Variants in FIRRM observed in about 807,000 individuals in gnomAD.
FIRRM encodes FIGNL1 interacting regulator of recombination and mitosis.
chr1:169,792,710 C>T, the FIRRM span: 1 of 1,613,940 alleles, frequency 6.2e-7, no homozygotes, highest in Non-Finnish European at 8.5e-7. Context: ...TCCACCTACA[C>T]CAAAATAATG....
chr1:169,817,973 T>C, the FIRRM span, among the ~76,000 whole-genome samples: 31 of 151,808 alleles, frequency 2.0e-4, no homozygotes, highest in African/African-American at 6.8e-4. Context: ...GCAAGATTAA[T>C]TTTTTACAAA....
At chr1:169,797,691 C>T in the FIRRM span, among the ~76,000 whole-genome samples, 173 of 152,136 alleles carry the variant, frequency 1.1e-3, no homozygotes, top group South Asian at 5.6e-3. Context: ...ATTACAGGCA[C>T]GTGCCACCAT....
the FIRRM span, chr1:169,837,089 A>G: frequency 1.3e-6 from 2 of 1,588,084 alleles, no homozygotes; most frequent in African/African-American, 2.7e-5. Context: ...CAGGAGTCGT[A>G]CTTTGGGAGA....
At chr1:169,853,653 G>C in the FIRRM span, 1 of 1,568,654 alleles carries the variant, frequency 6.4e-7, no homozygotes. Flanking sequence ...TGCTTTTGAG[G>C]TATTGATTTT....
the FIRRM span, chr1:169,792,682 C>G: frequency 6.2e-7 from 1 of 1,612,366 alleles, no homozygotes; most frequent in African/African-American, 1.3e-5. Context: ...CTACAAACTT[C>G]TGAAAGAGAT....
the FIRRM span, chr1:169,852,883 T>G: frequency 6.2e-7 from 1 of 1,613,958 alleles, no homozygotes; most frequent in Admixed American, 1.7e-5. Flanking sequence ...AGCAACTGAG[T>G]CACTACTCCA....
the FIRRM span, chr1:169,853,899 T>TA: frequency 1.0e-6 from 1 of 999,800 alleles, no homozygotes; most frequent in Non-Finnish European, 1.5e-6. Context: ...TCGTACTAAG[T>TA]AAAATAACTT....
At chr1:169,825,132 C>T in the FIRRM span, among the ~76,000 whole-genome samples, 119 of 152,296 alleles carry the variant, frequency 7.8e-4, no homozygotes, top group African/African-American at 2.8e-3. Context: ...GAACTGCTAC[C>T]ATCTGATCTG....
the FIRRM span, chr1:169,836,815 C>T: frequency 1.5e-6 from 1 of 683,202 alleles, no homozygotes; most frequent in East Asian, 2.8e-5. Flanking sequence ...ATTACCGTAC[C>T]ATTATAAAGC....
chr1:169,850,993 T>TTTTTTG, the FIRRM span: 1 of 54,182 alleles, frequency 1.8e-5, no homozygotes, highest in Non-Finnish European at 3.9e-5. Context: ...TTTTTTTTTT[T>TTTTTTG]TTTTTTTTTT....
the FIRRM span, chr1:169,830,423 T>C: frequency 3.3e-6 from 4 of 1,219,666 alleles, no homozygotes; most frequent in South Asian, 3.9e-5. Context: ...TGTAAGCTTA[T>C]AGAAAAACTG....
the FIRRM span, among the ~76,000 whole-genome samples, chr1:169,810,984 C>T: frequency 9.9e-5 from 15 of 151,402 alleles, no homozygotes; most frequent in East Asian, 1.4e-3. Flanking sequence ...CTCAGCCTCC[C>T]GAGTAGCTGG....
At chr1:169,829,597 C>T in the FIRRM span, 2 of 700,844 alleles carry the variant, frequency 2.9e-6, no homozygotes, top group Admixed American at 3.4e-5. Context: ...AATGGTAATC[C>T]CAGATTCCTG....
the FIRRM span, among the ~76,000 whole-genome samples, chr1:169,802,068 A>G: frequency 4.0e-4 from 61 of 152,328 alleles, 1 homozygote; most frequent in East Asian, 8.9e-3. Flanking sequence ...TGTTAGAAAG[A>G]TCCAAGTATT....
chr1:169,825,616 T>C, the FIRRM span, among the ~76,000 whole-genome samples: 5 of 152,370 alleles, frequency 3.3e-5, no homozygotes, highest in Middle Eastern at 3.4e-3. Flanking sequence ...ATTACTATGT[T>C]TTATTTGTAT....
chr1:169,793,312 C>G, the FIRRM span: 1 of 1,613,968 alleles, frequency 6.2e-7, no homozygotes, highest in Non-Finnish European at 8.5e-7. Context: ...CTACTGATAA[C>G]TTAACATGCT....
chr1:169,842,799 A>C, the FIRRM span, among the ~76,000 whole-genome samples: 10,114 of 151,468 alleles, frequency 0.067, 432 homozygotes, highest in Non-Finnish European at 0.099. Context: ...CCCTTTCCCC[A>C]CCTCCCCATC....
chr1:169,792,505 C>G, the FIRRM span: 1 of 1,317,320 alleles, frequency 7.6e-7, no homozygotes, highest in Non-Finnish European at 1.0e-6. Flanking sequence ...AAAATAATAG[C>G]AAAACAGAAA....
At chr1:169,821,623 T>C in the FIRRM span, 1 of 1,281,948 alleles carries the variant, frequency 7.8e-7, no homozygotes, top group Non-Finnish European at 1.1e-6. Context: ...TAAGCTTAGC[T>C]AATTTTATAT....
Sources: gnomAD v4.1 joint callset for allele counts (sites outside exome capture counted in the v4.1 genomes callset) on GRCh38, gnomAD v4.1.1 for gene constraint, MANE v1.5 for transcripts, NCBI Gene and HGNC (gene_info 2026-07-23, HGNC 2026-07-21) for gene names.